PARP8: variants seen among roughly 807,000 people sequenced by gnomAD.
The protein encoded by PARP8 is protein mono-ADP-ribosyltransferase PARP8.
PARP8 carries 51 observed loss-of-function variants against 124.1 expected under a neutral mutation model. That is an observed-to-expected ratio of 0.41 (90% CI 0.33 to 0.52). The LOEUF (loss-of-function observed/expected upper bound fraction) is 0.52, where lower values mean the gene tolerates loss of function less well. Among genes scored for constraint, PARP8 ranks in the 20% least tolerant of loss-of-function variants. PARP8 has a pLI of 0.21. For synonymous variants in PARP8, 391 were observed against 361.5 expected (o/e 1.08, Z -0.93); for missense variants, 860 against 1,018.9 (o/e 0.84, Z 2.12).
intron 2 of PARP8, among the ~76,000 whole-genome samples, chr5:50,685,793 C>G (rs1266187445): frequency 5.3e-5 from 8 of 152,136 alleles, no homozygotes; most frequent in African/African-American, 1.9e-4. Flanking sequence ...AGGAGCAAGT[C>G]ACATCTTACA....
chr5:50,698,885 T>C (rs568434723), intron 2 of PARP8, among the ~76,000 whole-genome samples: 3 of 152,322 alleles, frequency 2.0e-5, no homozygotes, highest in African/African-American at 7.2e-5. Context: ...ACCAAATAAA[T>C]GTATTCAAGA....
intron 17 of PARP8, 101 bp from the exon 18 acceptor site, chr5:50,824,807 T>G: frequency 1.2e-6 from 1 of 845,562 alleles, no homozygotes. Context: ...AATTTTTAAG[T>G]CTTACTAGAT....
Position 50,763,192 on chromosome 5 carries a change from T to C in PARP8, c.468T>C (p.Ala156=). ...GELHKHPQLE[A]DLSAVREIYG... ...TGCACAAGCACCCACAACTGGAAGCTGATTTGTCAGCAGTTAGAGAGATAT... is the reference window on the plus strand; with the variant it reads ...TGCACAAGCACCCACAACTGGAAGCCGATTTGTCAGCAGTTAGAGAGATAT... Residue 156 remains alanine (A), a synonymous_variant, in exon 7 of 26, where the codon GCT becomes GCC. Transcript: ENST00000281631. 6.2e-7 allele frequency: 1 copy of C among 1,613,796 alleles called. No homozygotes were observed. The highest frequency in any genetic ancestry group is 1.3e-5 in the African/African-American group (1 of 75,046).
At chr5:50,836,051 C>T (rs1230058940) in intron 25 of PARP8, among the ~76,000 whole-genome samples, 2 of 152,084 alleles carry the variant, frequency 1.3e-5, no homozygotes, top group Non-Finnish European at 2.9e-5. Flanking sequence ...CCTGAGTACC[C>T]TGTGTATTCA....
intron 1 of PARP8, 125 bp downstream of exon 1, chr5:50,667,311 A>G: frequency 2.0e-6 from 2 of 1,012,862 alleles, no homozygotes; most frequent in Non-Finnish European, 1.5e-6. Flanking sequence ...ATTTGGCAAC[A>G]GCTGCTGCAA....
chr5:50,737,365 T>G (rs1464168821), intron 2 of PARP8, among the ~76,000 whole-genome samples: 2 of 152,166 alleles, frequency 1.3e-5, no homozygotes, highest in African/African-American at 2.4e-5. Flanking sequence ...AAAGAAGAGA[T>G]ATTCTTATTC....
intron 2 of PARP8, among the ~76,000 whole-genome samples, chr5:50,742,602 C>T (rs1201414031): frequency 3.9e-5 from 6 of 152,066 alleles, no homozygotes; most frequent in South Asian, 2.1e-4. Flanking sequence ...GGTTGTTATA[C>T]GGTGTTTGGA....
chr5:50,832,901 C>A, intron 23 of PARP8, 47 bp downstream of exon 23: 1 of 1,543,178 alleles, frequency 6.5e-7, no homozygotes, highest in Non-Finnish European at 8.9e-7. Flanking sequence ...GAACTGTGGC[C>A]TCATCAGCCA....
chr5:50,763,754 C>A (rs76025162), intron 7 of PARP8, among the ~76,000 whole-genome samples: 2,402 of 152,150 alleles, frequency 0.016, 45 homozygotes, highest in African/African-American at 0.046. Flanking sequence ...GCTTTTAATA[C>A]TTCAGAAGAC....
At chr5:50,730,994 A>G (rs1252259837) in intron 2 of PARP8, among the ~76,000 whole-genome samples, 3 of 152,260 alleles carry the variant, frequency 2.0e-5, no homozygotes, top group African/African-American at 7.2e-5. Context: ...AAGAAAGATT[A>G]GATCTTGTCA....
chr5:50,744,263 G>T (rs572594873), intron 2 of PARP8, among the ~76,000 whole-genome samples: 2 of 152,322 alleles, frequency 1.3e-5, no homozygotes, highest in Non-Finnish European at 2.9e-5. Context: ...GTTCAGACCA[G>T]ACTCTATCTG....
intron 2 of PARP8, among the ~76,000 whole-genome samples, chr5:50,717,667 A>C (rs1394715619): frequency 6.6e-6 from 1 of 152,014 alleles, no homozygotes; most frequent in Non-Finnish European, 1.5e-5. Context: ...TGGGTTCTGC[A>C]GTTGAAACTA....
chr5:50,723,469 G>A (rs1290838084), intron 2 of PARP8, among the ~76,000 whole-genome samples: 1 of 152,026 alleles, frequency 6.6e-6, no homozygotes, highest in Non-Finnish European at 1.5e-5. Context: ...AAGATGAGAA[G>A]AGGCCTTTCC....
intron 2 of PARP8, among the ~76,000 whole-genome samples, chr5:50,743,246 G>A (rs16884926): frequency 0.046 from 7,047 of 152,196 alleles, 230 homozygotes; most frequent in South Asian, 0.14. Flanking sequence ...AGGTCCTAGA[G>A]CTCCCCAACC....
Position 50,812,107 on chromosome 5 carries a change from A to T in PARP8, c.1576-3325A>T, listed in dbSNP as rs188777215. On this transcript the variant is annotated intron_variant, in intron 14 of 25. Coordinates refer to ENST00000281631, the MANE Select transcript of PARP8 (RefSeq NM_024615.4). ...ATAATCCTTTGGGTATATGCCCAGT[A>T]ATGGGATCGCTGAGTCAAATGGTAT... 1.8e-3 allele frequency among the ~76,000 whole-genome samples: 281 copies of T among 152,306 alleles called. 1 individual carries two copies. Among genetic ancestry groups the T allele is most frequent in the African/African-American group, 6.4e-3 (267 of 41,554 alleles).
chr5:50,772,362 A>G (rs1761712574), intron 7 of PARP8, among the ~76,000 whole-genome samples: 1 of 152,210 alleles, frequency 6.6e-6, no homozygotes, highest in African/African-American at 2.4e-5. Flanking sequence ...CTTTGGTTAA[A>G]TGTCCAATCA....
rs17194543 is a variant in PARP8, at chr5:50,730,866, A to C, written c.147-19285A>C. ...GATGAAGAAATTACTGCATAAACTT[A>C]GGCATATTAATCAGAAGACAAGGAA... On this transcript the variant is annotated intron_variant, in intron 2 of 25. Coordinates refer to ENST00000281631, the MANE Select transcript of PARP8 (RefSeq NM_024615.4). 4.6e-3 allele frequency among the ~76,000 whole-genome samples: 702 copies of C among 152,350 alleles called. 20 individuals carry two copies. Among genetic ancestry groups the C allele is most frequent in the Admixed American group, 0.041 (631 of 15,300 alleles).
At chr5:50,748,852 A>G (rs971527492) in intron 2 of PARP8, among the ~76,000 whole-genome samples, 5 of 152,118 alleles carry the variant, frequency 3.3e-5, no homozygotes, top group African/African-American at 1.2e-4. Context: ...GAGCTTCTTT[A>G]TTCAACACAT....
intron 2 of PARP8, among the ~76,000 whole-genome samples, chr5:50,709,653 A>T (rs1459782757): frequency 6.6e-6 from 1 of 151,966 alleles, no homozygotes; most frequent in Non-Finnish European, 1.5e-5. Context: ...TGCAGTAGCC[A>T]CAGGCTTACA....
Sources: allele counts gnomAD v4.1 joint callset (sites outside exome capture counted in the v4.1 genomes callset), GRCh38; gene constraint gnomAD v4.1.1; transcripts MANE v1.5; gene names NCBI Gene and HGNC (gene_info 2026-07-23, HGNC 2026-07-21).